EBF2: variants seen among roughly 807,000 people sequenced by gnomAD.
The protein encoded by EBF2 is EBF transcription factor 2.
A neutral mutation model predicts 72.8 loss-of-function variants in EBF2; 21 were observed. The observed-to-expected ratio is 0.29, with a 90% CI of 0.20 to 0.42. The LOEUF (loss-of-function observed/expected upper bound fraction) is 0.42. EBF2 is among the 10% of genes least tolerant of loss of function. EBF2 has a pLI of 1.00. For synonymous variants in EBF2, 299 were observed against 274.2 expected, an observed-to-expected ratio of 1.09 and a Z score of -0.89; for missense variants, 637 against 731.2, an observed-to-expected ratio of 0.87 and a Z score of 1.49.
intron 6 of EBF2, among the ~76,000 whole-genome samples, chr8:25,968,902 T>A (rs1159808166): frequency 7.2e-5 from 11 of 152,084 alleles, no homozygotes; most frequent in Non-Finnish European, 4.4e-5. Flanking sequence ...TGGATGATGG[T>A]GATGGCTGCA....
chr8:25,853,289 A>ATACT (rs1554559963), intron 14 of EBF2, among the ~76,000 whole-genome samples: 1 of 152,158 alleles, frequency 6.6e-6, no homozygotes, highest in Non-Finnish European at 1.5e-5. Context: ...AATATTTGTA[A>ATACT]TACTTATTTA....
chr8:25,879,118 C>T (rs1262121740), intron 10 of EBF2, among the ~76,000 whole-genome samples: 1 of 152,008 alleles, frequency 6.6e-6, no homozygotes, highest in Admixed American at 6.6e-5. Flanking sequence ...GATTCTGTAC[C>T]CTACTAGGGT....
chr8:26,034,973 T>C (rs1437046957), intron 5 of EBF2, among the ~76,000 whole-genome samples: 3 of 152,186 alleles, frequency 2.0e-5, no homozygotes, highest in Non-Finnish European at 1.5e-5. Flanking sequence ...TTCTTTCTTA[T>C]GAATAAAGTG....
At position 25,886,867 on chromosome 8, in the gene EBF2, A is replaced by C. The variant is rs1802698195; in HGVS notation, c.897T>G (p.His299Gln). Reference sequence around the variant, plus strand: ...GGGGAGGAGTCTGTACTCTGATGGCATGAGGGGTTATTAGCTGAGGAATGA... The same window carrying C: ...GGGGAGGAGTCTGTACTCTGATGGCCTGAGGGGTTATTAGCTGAGGAATGA... ...MLVWSELITP[H>Q]AIRVQTPPRH... The change falls in exon 10 of 16, where the codon CAT becomes CAG. Residue 299 changes from histidine (H) to glutamine (Q), a missense_variant. Physicochemically the swap from His to Gln is conservative, Grantham distance 24. Coordinates refer to ENST00000520164, the MANE Select transcript of EBF2 (RefSeq NM_022659.4). 1 of 1,612,716 alleles carries C rather than the reference A, an allele frequency of 6.2e-7. No individual in the cohort carries two copies. The highest frequency in any genetic ancestry group is 8.5e-7 in the Non-Finnish European group (1 of 1,179,328).
At position 25,898,634 on chromosome 8, in the gene EBF2, G is replaced by A. The variant is rs535203383; in HGVS notation, c.634-8765C>T. Among the ~76,000 whole-genome samples, 10 of 152,206 alleles carry A rather than the reference G, an allele frequency of 6.6e-5. No homozygotes were observed. In the East Asian group the frequency reaches 1.5e-3, roughly 24 times the overall value. The stretch of plus-strand genomic sequence containing the variant: ...AATTTGTGCCAAGTGGGATGGTTAC[G>A]GTCAAGGGCAATATTTTACTAGCAA... On this transcript the variant is annotated intron_variant, in intron 7 of 15. Coordinates refer to ENST00000520164, the MANE Select transcript of EBF2 (RefSeq NM_022659.4).
At chr8:26,025,612 T>C (rs1361330088) in intron 6 of EBF2, among the ~76,000 whole-genome samples, 1 of 152,142 alleles carries the variant, frequency 6.6e-6, no homozygotes, top group Non-Finnish European at 1.5e-5. Context: ...AGAGTCATTT[T>C]CTCGAACAAA....
intron 6 of EBF2, among the ~76,000 whole-genome samples, chr8:25,986,855 C>T (rs1393848585): frequency 6.6e-6 from 1 of 152,158 alleles, no homozygotes; most frequent in African/African-American, 2.4e-5. Context: ...AGCAACTGAA[C>T]TCTCTTGTTA....
chr8:25,943,544 C>T (rs1301172870), intron 6 of EBF2, among the ~76,000 whole-genome samples: 1 of 151,918 alleles, frequency 6.6e-6, no homozygotes, highest in African/African-American at 2.4e-5. Flanking sequence ...ATGTTTAAAA[C>T]CTGAGGGTTC....
intron 6 of EBF2, among the ~76,000 whole-genome samples, chr8:25,996,125 A>T (rs1164141263): frequency 6.6e-6 from 1 of 151,964 alleles, no homozygotes; most frequent in Non-Finnish European, 1.5e-5. Flanking sequence ...ACATGGCAAA[A>T]CCCCATCTCT....
At chr8:25,990,760 C>T (rs1185457514) in intron 6 of EBF2, among the ~76,000 whole-genome samples, 2 of 152,146 alleles carry the variant, frequency 1.3e-5, no homozygotes, top group South Asian at 2.1e-4. Context: ...ATATGCTACG[C>T]GATGTTGTTT....
rs1801751336 is a variant in EBF2, at chr8:25,841,933, G to C, written c.*2676C>G. ...CAAAACAATAAAATGAAACTATACA[G>C]TGTGAAAATGAAACCTTACTGTACA... is the stretch of plus-strand genomic sequence containing the variant. On this transcript the variant is annotated 3_prime_UTR_variant, in exon 16 of 16. Transcript: ENST00000520164. The C allele has an allele frequency of 1.3e-5, 2 of 152,172 alleles. No individual in the cohort carries two copies. The highest frequency in any genetic ancestry group is 2.9e-5 in the Non-Finnish European group (2 of 68,026). The allele number at this position is 152,172 out of a possible 1,614,324, so 9.4% of individuals were successfully genotyped here.
chr8:25,867,874 T>C (rs1336140212), intron 10 of EBF2, among the ~76,000 whole-genome samples: 1 of 152,200 alleles, frequency 6.6e-6, no homozygotes, highest in South Asian at 2.1e-4. Flanking sequence ...TTTCTCAATA[T>C]CATTGTATTT....
chr8:25,965,525 T>C (rs1445164003), intron 6 of EBF2, among the ~76,000 whole-genome samples: 1 of 152,170 alleles, frequency 6.6e-6, no homozygotes, highest in Non-Finnish European at 1.5e-5. Flanking sequence ...AAGTGAAAAG[T>C]GAATGTAGCA....
intron 6 of EBF2, among the ~76,000 whole-genome samples, chr8:26,007,452 T>C (rs1804900548): frequency 6.6e-6 from 1 of 152,158 alleles, no homozygotes; most frequent in Non-Finnish European, 1.5e-5. Context: ...TGTTCTCCTC[T>C]ATTTCATTTG....
chr8:25,985,835 CTACAAAAAA>C (rs139001984), intron 6 of EBF2, among the ~76,000 whole-genome samples: 2,314 of 151,698 alleles, frequency 0.015, 66 homozygotes, highest in African/African-American at 0.054. Context: ...CCCCCCATCT[CTACAAAAAA>C]TACAAAAATT....
Position 25,908,483 on chromosome 8 carries a change from T to C in EBF2, c.624A>G (p.Arg208=). ...CTGCAGGGCCCCTTACCTGAAACCGTCTCATGTCCCTTGGGTTTCCTGCTG... is the reference window on the plus strand; with the variant it reads ...CTGCAGGGCCCCTTACCTGAAACCGCCTCATGTCCCTTGGGTTTCCTGCTG... The part of the protein sequence containing the change: ...LKTAGNPRDM[R]RFQVVLSTTV... The change falls in exon 7 of 16, where the codon AGA becomes AGG. Residue 208 remains arginine (R), a synonymous_variant. Transcript: ENST00000520164. The C allele has an allele frequency of 6.2e-7, 1 of 1,613,052 alleles. No individual in the cohort carries two copies. Among genetic ancestry groups the C allele is most frequent in the Non-Finnish European group, 8.5e-7 (1 of 1,179,182 alleles).
chr8:25,853,905 ACT>A (rs1802033116), intron 14 of EBF2, among the ~76,000 whole-genome samples: 1 of 151,958 alleles, frequency 6.6e-6, no homozygotes, highest in Non-Finnish European at 1.5e-5. Flanking sequence ...AAATAGCAAA[ACT>A]CTAGAAGGAT....
In EBF2 at chr8:25,896,072, G is replaced by T. The variant is rs142493223; in HGVS notation, c.634-6203C>A. On this transcript the variant is annotated intron_variant, in intron 7 of 15. Coordinates refer to ENST00000520164, the MANE Select transcript of EBF2 (RefSeq NM_022659.4). Reference sequence around the variant, plus strand: ...AGGCTTTTTCAGCTCCTACCCAGGTGTTTCTACAAAGACCCTAAGTCTCAT... The same window carrying T: ...AGGCTTTTTCAGCTCCTACCCAGGTTTTTCTACAAAGACCCTAAGTCTCAT... Among the ~76,000 whole-genome samples, 774 of 152,242 alleles carry T rather than the reference G, an allele frequency of 5.1e-3. 13 individuals are homozygous for T. Among genetic ancestry groups the T allele is most frequent in the Non-Finnish European group, 4.6e-3 (313 of 68,004 alleles).
chr8:25,842,554 A>G lies in EBF2; in HGVS notation c.*2055T>C, dbSNP rs1801759912. On this transcript the variant is annotated 3_prime_UTR_variant, in exon 16 of 16. Coordinates refer to ENST00000520164, the MANE Select transcript of EBF2 (RefSeq NM_022659.4). ...TTGGAAGGTAACATTCATATTCCACACATTCTTCCCCTTCCATCAATCAGG... is the reference window on the plus strand; with the variant it reads ...TTGGAAGGTAACATTCATATTCCACGCATTCTTCCCCTTCCATCAATCAGG... The G allele has an allele frequency of 6.6e-6, 1 of 152,148 alleles. No individual in the cohort carries two copies. Among genetic ancestry groups the G allele is most frequent in the Non-Finnish European group, 1.5e-5 (1 of 68,032 alleles). The allele number at this position is 152,148 out of a possible 1,614,324, so 9.4% of individuals were successfully genotyped here. A position where few individuals can be genotyped will look rare whatever the true frequency, so the allele number is the denominator to read the frequency against.
Sources: gnomAD v4.1 joint callset for allele counts (sites outside exome capture counted in the v4.1 genomes callset) on GRCh38, gnomAD v4.1.1 for gene constraint, MANE v1.5 for transcripts, NCBI Gene and HGNC (gene_info 2026-07-23, HGNC 2026-07-21) for gene names.